Variants in DROSHA observed in about 807,000 individuals in gnomAD.
DROSHA encodes drosha ribonuclease III.
A neutral mutation model predicts 181.9 loss-of-function variants in DROSHA; 56 were observed. The observed-to-expected ratio is 0.31, with a 90% CI of 0.25 to 0.38. DROSHA has a LOEUF of 0.38. DROSHA is among the 10% of genes least tolerant of loss of function. The pLI, the probability that DROSHA is intolerant of heterozygous loss-of-function variation, is 1.00. For synonymous variants in DROSHA, 524 were observed against 591.2 expected, an observed-to-expected ratio of 0.89 and a Z score of 1.65; for missense variants, 1,218 against 1,743.5, an observed-to-expected ratio of 0.70 and a Z score of 5.37.
At chr5:31,446,400 T>TCC (rs1333462662) in intron 23 of DROSHA, among the ~76,000 whole-genome samples, 11 of 133,208 alleles carry the variant, frequency 8.3e-5, no homozygotes, top group Admixed American at 8.6e-5. Context: ...TGAGCCGAGA[T>TCC]CGTACCACTG....
At chr5:31,486,647 C>T (rs145119127) in intron 13 of DROSHA, 85 bp from the exon 14 acceptor site, 31 of 1,186,040 alleles carry the variant, frequency 2.6e-5, no homozygotes, top group Non-Finnish European at 3.5e-5. Flanking sequence ...ACCCAAAAGG[C>T]CATGAACCAA....
rs758120846 is a variant in DROSHA, at chr5:31,526,650, G to A, written c.283C>T (p.Pro95Ser). The change falls in exon 5 of 36, where the codon CCC (proline) becomes TCC (serine). Residue 95 changes from proline to serine, a missense_variant. By Grantham distance (74) the Pro-to-Ser change is moderately conservative. This residue lies in a region of DROSHA where 536 missense variants were observed against 535.4 expected (regional missense o/e 1.00). Transcript: ENST00000344624. ...MPPSAQGPLPPCPIRPPFPNH... is the reference protein window; with the variant it reads ...MPPSAQGPLPSCPIRPPFPNH... ...GGGAAAGGCGGCCTGATTGGGCAGGGGGGAAGAGGGCCTTGCGCTGACGGA... is the reference window on the plus strand; with the variant it reads ...GGGAAAGGCGGCCTGATTGGGCAGGAGGGAAGAGGGCCTTGCGCTGACGGA... The A allele has an allele frequency of 3.3e-6, 5 of 1,521,014 alleles. No individual in the cohort carries two copies. Among genetic ancestry groups the A allele is most frequent in the Non-Finnish European group, 4.4e-6 (5 of 1,137,002 alleles). 94.2% of individuals were successfully genotyped at this position (1,521,014 alleles called of 1,614,324 possible). A position where few individuals can be genotyped will look rare whatever the true frequency, so the allele number is the denominator to read the frequency against.
chr5:31,422,556 T>C (rs1197225082), intron 29 of DROSHA, among the ~76,000 whole-genome samples: 1 of 152,196 alleles, frequency 6.6e-6, no homozygotes, highest in Non-Finnish European at 1.5e-5. Flanking sequence ...TCCTTCACAC[T>C]TCTCCTAAAA....
intron 13 of DROSHA, among the ~76,000 whole-genome samples, chr5:31,491,517 G>A (rs890887490): frequency 6.6e-6 from 1 of 152,020 alleles, no homozygotes; most frequent in Non-Finnish European, 1.5e-5. Flanking sequence ...ATTACTTCTA[G>A]GGAATCAAGA....
At chr5:31,525,356 T>TAAC (rs1740402042) in intron 5 of DROSHA, among the ~76,000 whole-genome samples, 20 of 129,796 alleles carry the variant, frequency 1.5e-4, no homozygotes, top group Middle Eastern at 4.0e-3. Context: ...AAAAAAAAAT[T>TAAC]AGCCGAGTGT....
chr5:31,418,529 A>G (rs189995315), intron 30 of DROSHA, among the ~76,000 whole-genome samples: 1 of 152,296 alleles, frequency 6.6e-6, no homozygotes, highest in Admixed American at 6.5e-5. Flanking sequence ...TTGGCCTCCC[A>G]AAGTGCTGGG....
At chr5:31,492,339 TA>T (rs1195910328) in intron 13 of DROSHA, among the ~76,000 whole-genome samples, 1 of 152,204 alleles carries the variant, frequency 6.6e-6, no homozygotes, top group Non-Finnish European at 1.5e-5. Context: ...AGGGCTAAGC[TA>T]AGGCAAAGAT....
At chr5:31,449,146 AAAAG>A (rs1416950719) in intron 22 of DROSHA, 131 bp downstream of exon 22, 61 of 1,263,842 alleles carry the variant, frequency 4.8e-5, no homozygotes, top group Non-Finnish European at 6.3e-5. Context: ...AAAAAAAAAA[AAAAG>A]AGTCAGTAAG....
intron 9 of DROSHA, among the ~76,000 whole-genome samples, chr5:31,510,061 A>AAAC (rs1459378527): frequency 7.7e-6 from 1 of 130,386 alleles, no homozygotes; most frequent in Non-Finnish European, 1.8e-5. Context: ...GAAAAAAAAA[A>AAAC]AAAACAGACC....
intron 23 of DROSHA, among the ~76,000 whole-genome samples, chr5:31,444,827 G>A (rs1286151612): frequency 6.6e-6 from 1 of 152,184 alleles, no homozygotes; most frequent in Non-Finnish European, 1.5e-5. Context: ...ATGGGCATAT[G>A]ATCATTTTCA....
At chr5:31,421,134 C>T (rs1457978265) in intron 30 of DROSHA, 138 bp downstream of exon 30, 1 of 666,430 alleles carries the variant, frequency 1.5e-6, no homozygotes, top group Non-Finnish European at 2.5e-6. Flanking sequence ...ACAATTTGCA[C>T]AATGAAATGA....
Position 31,430,876 on chromosome 5 carries a change from C to A in DROSHA, c.3145+700G>T, listed in dbSNP as rs140012196. Reference sequence around the variant, plus strand: ...TGGTAAGAACAAAGCCCTTTGAAAGCTAAAATGTACTTGATCATTTACTTT... The same window carrying A: ...TGGTAAGAACAAAGCCCTTTGAAAGATAAAATGTACTTGATCATTTACTTT... On this transcript the variant is annotated intron_variant, in intron 26 of 35. Coordinates refer to ENST00000344624, the MANE Select transcript of DROSHA (RefSeq NM_001382508.1). Among the ~76,000 whole-genome samples the A allele has an allele frequency of 2.4e-3, 367 of 152,202 alleles. 3 individuals are homozygous for A. The highest frequency in any genetic ancestry group is 8.4e-3 in the African/African-American group (347 of 41,518).
chr5:31,413,129 A>G (rs1162784314), intron 30 of DROSHA, among the ~76,000 whole-genome samples: 3 of 152,186 alleles, frequency 2.0e-5, no homozygotes, highest in African/African-American at 7.2e-5. Context: ...CCCCTCACTC[A>G]GTGCTATACA....
At chr5:31,450,858 G>A (rs55749038) in intron 21 of DROSHA, among the ~76,000 whole-genome samples, 2,086 of 152,120 alleles carry the variant, frequency 0.014, 52 homozygotes, top group African/African-American at 0.048. Context: ...AACAAAAAAC[G>A]AATTTCCAGA....
At chr5:31,506,475 C>A (rs767187930) in intron 10 of DROSHA, among the ~76,000 whole-genome samples, 1 of 151,418 alleles carries the variant, frequency 6.6e-6, no homozygotes, top group Non-Finnish European at 1.5e-5. Flanking sequence ...GTCAGGAGTT[C>A]GAGAACAGCC....
At chr5:31,437,119 A>T (rs904833203) in intron 24 of DROSHA, 120 bp downstream of exon 24, 1 of 1,094,322 alleles carries the variant, frequency 9.1e-7, no homozygotes, top group African/African-American at 1.6e-5. Flanking sequence ...TACAAAAGAG[A>T]TAAAATACAC....
In DROSHA at chr5:31,521,146, T is replaced by C; in HGVS notation, c.924A>G (p.Lys308=). The C allele has an allele frequency of 6.2e-7, 1 of 1,613,722 alleles. No individual in the cohort carries two copies. Among genetic ancestry groups the C allele is most frequent in the Non-Finnish European group, 8.5e-7 (1 of 1,179,656 alleles). ...RRSPSLERSY[K]KEYKRSGRSY... The stretch of plus-strand genomic sequence containing the variant: ...ACCTTCCAGATCTCTTATACTCTTT[T>C]TTGTAGGACCTTTCCAGAGATGGTG... Residue 308 remains lysine, a synonymous_variant, in exon 6 of 36, where the codon AAA becomes AAG. Coordinates refer to ENST00000344624, the MANE Select transcript of DROSHA (RefSeq NM_001382508.1).
chr5:31,524,576 T>C (rs1175773477), intron 5 of DROSHA, among the ~76,000 whole-genome samples: 1 of 152,208 alleles, frequency 6.6e-6, no homozygotes, highest in Non-Finnish European at 1.5e-5. Flanking sequence ...ATTAGCACAA[T>C]TGATATGTGT....
chr5:31,449,882 T>A (rs1746755718), intron 21 of DROSHA, among the ~76,000 whole-genome samples: 1 of 152,160 alleles, frequency 6.6e-6, no homozygotes, highest in Non-Finnish European at 1.5e-5. Context: ...ACCTTCAGAA[T>A]GGCAGAAAAT....
Sources: gnomAD v4.1 joint callset for allele counts (sites outside exome capture counted in the v4.1 genomes callset) on GRCh38, gnomAD v4.1.1 for gene constraint, gnomAD v4.1.1 regional missense constraint, MANE v1.5 for transcripts, NCBI Gene and HGNC (gene_info 2026-07-23, HGNC 2026-07-21) for gene names.